Variants in TCEA2 observed in about 807,000 individuals in gnomAD.
TCEA2 encodes transcription elongation factor A protein 2.
Under a neutral mutation model 40.8 loss-of-function variants are expected in TCEA2, and 21 were observed. That is an observed-to-expected ratio of 0.51 (90% confidence interval 0.36 to 0.74). TCEA2 has a LOEUF of 0.74. Ranked by LOEUF, TCEA2 falls within the 30% of genes least tolerant of loss-of-function variation. The pLI, the probability that TCEA2 is intolerant of heterozygous loss-of-function variation, is 0.00. For synonymous variants in TCEA2, 165 were observed against 162.7 expected, an observed-to-expected ratio of 1.01 and a Z score of -0.11; for missense variants, 326 against 426.5, an observed-to-expected ratio of 0.76 and a Z score of 2.08.
upstream of TCEA2, among the ~76,000 whole-genome samples, chr20:64,058,772 C>T (rs976263833): frequency 4.6e-5 from 7 of 152,220 alleles, no homozygotes; most frequent in African/African-American, 1.2e-4. This position sits in a 1 kb window ranked among gnomAD's most constrained non-coding sequence, Gnocchi z 6.7. Flanking sequence ...CCAGCAGCAG[C>T]GAGTGTGGGG....
chr20:64,070,658 C>T lies in TCEA2; in HGVS notation c.819+23C>T, dbSNP rs531093778. 1.0e-4 allele frequency: 155 copies of T among 1,525,130 alleles called. No homozygotes were observed. The South Asian group carries it at 1.8e-3, about 18-fold the overall frequency. The allele number at this position is 1,525,130 out of a possible 1,614,324, so 94.5% of individuals were successfully genotyped here. On this transcript the variant is annotated intron_variant, in intron 8 of 9. Coordinates refer to ENST00000343484, the MANE Select transcript of TCEA2 (RefSeq NM_003195.6). The stretch of plus-strand genomic sequence containing the variant: ...CAGGTGAGCGGCCGCTGGGCACCCT[C>T]CCCCGGGCCCGGTGTCTTCAGGGCA...
At chr20:64,063,443 C>G (rs562409180) in intron 1 of TCEA2, 59 bp downstream of exon 1, 5 of 1,520,690 alleles carry the variant, frequency 3.3e-6, no homozygotes, top group South Asian at 1.2e-5. Context: ...CCCCGTCGAG[C>G]CCGCCGACCC....
upstream of TCEA2, among the ~76,000 whole-genome samples, chr20:64,058,961 C>T (rs561132736): frequency 1.3e-5 from 2 of 152,220 alleles, no homozygotes; most frequent in East Asian, 1.9e-4. This position sits in a 1 kb window ranked among gnomAD's most constrained non-coding sequence, Gnocchi z 6.7. Flanking sequence ...GAGGCCGAGG[C>T]GGGTGGATCA....
chr20:64,071,720 A>G (rs955647604), intron 8 of TCEA2, 150 bp from the exon 9 acceptor site: 30 of 805,452 alleles, frequency 3.7e-5, no homozygotes, highest in Admixed American at 5.6e-5. Context: ...CCGGAGGCTC[A>G]GCTTTGGAAG....
Position 64,071,897 on chromosome 20 carries a change from A to G in TCEA2, c.847A>G (p.Met283Val). The G allele has an allele frequency of 3.7e-6, 6 of 1,614,148 alleles. No homozygotes were observed. The highest frequency in any genetic ancestry group is 5.1e-6 in the Non-Finnish European group (6 of 1,180,028). The change falls in exon 9 of 10, where the codon ATG becomes GTG. Residue 283 changes from methionine to valine, a missense_variant. Met to Val is a conservative substitution (Grantham distance 21). Transcript: ENST00000343484. ...QVQTRSSDEP[M>V]TTFVVCNECG... ...GCAGACCCGCAGCTCTGATGAGCCC[A>G]TGACCACCTTTGTTGTCTGCAACGA...
At chr20:64,068,874 G>T (rs1017521504) in intron 4 of TCEA2, among the ~76,000 whole-genome samples, 4 of 152,240 alleles carry the variant, frequency 2.6e-5, no homozygotes, top group East Asian at 1.9e-4. Context: ...GTGCCCAGGG[G>T]TGTCGTCTGT....
At chr20:64,059,658 G>A (rs2059526062), upstream of TCEA2, among the ~76,000 whole-genome samples, 1 of 152,142 alleles carries the variant, frequency 6.6e-6, no homozygotes, top group South Asian at 2.1e-4. Context: ...CCTGGTGGGG[G>A]CGGGGAGTGC....
chr20:64,066,576 G>A, intron 2 of TCEA2, 38 bp downstream of exon 2: 1 of 1,606,144 alleles, frequency 6.2e-7, no homozygotes, highest in African/African-American at 1.3e-5. Flanking sequence ...GACAGCTCCT[G>A]GGTGCAGCCC....
chr20:64,066,773 G>C, intron 2 of TCEA2, 142 bp from the exon 3 acceptor site: 1 of 888,080 alleles, frequency 1.1e-6, no homozygotes, highest in Non-Finnish European at 1.7e-6. Flanking sequence ...TTCCAAATGG[G>C]ACAGTCGCCA....
chr20:64,067,053 G>T, intron 3 of TCEA2, 33 bp downstream of exon 3: 1 of 1,583,766 alleles, frequency 6.3e-7, no homozygotes, highest in East Asian at 2.3e-5. Context: ...TGAGTGCTGG[G>T]GCAGGGGTCC....
intron 1 of TCEA2, chr20:64,064,110 C>T (rs1006296472): frequency 1.3e-5 from 2 of 152,298 alleles, no homozygotes; most frequent in African/African-American, 2.4e-5. Context: ...CTAATAAATT[C>T]TCTCCCTTCT....
Position 64,068,153 on chromosome 20 carries a change from A to G in TCEA2, c.329+19A>G. 1 of 1,594,566 alleles carries G rather than the reference A, an allele frequency of 6.3e-7. No individual in the cohort carries two copies. The highest frequency in any genetic ancestry group is 1.1e-5 in the South Asian group (1 of 88,844). On this transcript the variant is annotated intron_variant, in intron 4 of 9. Coordinates refer to ENST00000343484, the MANE Select transcript of TCEA2 (RefSeq NM_003195.6). ...ATCCCAGGTAGCACACCTGGAAGGCAGGTGCACACACTTCTGCTTCCCAGC... is the reference window on the plus strand; with the variant it reads ...ATCCCAGGTAGCACACCTGGAAGGCGGGTGCACACACTTCTGCTTCCCAGC...
chr20:64,063,439 C>G (rs1198179566), intron 1 of TCEA2, 55 bp downstream of exon 1: 8 of 1,529,442 alleles, frequency 5.2e-6, no homozygotes, highest in Non-Finnish European at 7.0e-6. Context: ...GAGACCCCGT[C>G]GAGCCCGCCG....
chr20:64,069,597 C>T lies in TCEA2; in HGVS notation c.460+106C>T, dbSNP rs955782614. 2.6e-6 allele frequency: 4 copies of T among 1,550,502 alleles called. No individual in the cohort carries two copies. The African/African-American group carries it at 5.4e-5, about 21-fold the overall frequency. On this transcript the variant is annotated intron_variant, in intron 5 of 9. Transcript: ENST00000343484. ...GCTTCCAGCGGGGTGACTGTCCTCC[C>T]CCAGCCCATTGCTGTGGCCCTGGCA...
chr20:64,069,715 G>C (rs1284861120), intron 5 of TCEA2, 50 bp from the exon 6 acceptor site: 1 of 1,587,976 alleles, frequency 6.3e-7, no homozygotes, highest in Non-Finnish European at 8.6e-7. Context: ...CAGAAGGGGT[G>C]GCAGGTGGAG....
intron 1 of TCEA2, 160 bp from the exon 2 acceptor site, chr20:64,066,316 G>A (rs1431200923): frequency 1.3e-6 from 1 of 760,638 alleles, no homozygotes; most frequent in East Asian, 2.6e-5. Flanking sequence ...TGTGGGCAGA[G>A]CCCTGGGTGT....
rs373707539 is a variant in TCEA2 at position 64,066,942 on chromosome 20, G to A, written c.163G>A (p.Ala55Thr). 1.1e-5 allele frequency: 17 copies of A among 1,613,910 alleles called. No homozygotes were observed. The highest frequency in any genetic ancestry group is 5.0e-5 in the Admixed American group (3 of 59,990). The change falls in exon 3 of 10, where the codon GCC (alanine) becomes ACC (threonine). Residue 55 changes from alanine (A) to threonine (T), a missense_variant. Ala to Thr is a moderately conservative substitution (Grantham distance 58). Transcript: ENST00000343484. ...CACCCGAGTCGGGATGTCTGTCAAC[G>A]CCCTTCGGAAGCAGAGCTCGGATGA... ...QSTRVGMSVNALRKQSSDEEV... is the reference protein window; with the variant it reads ...QSTRVGMSVNTLRKQSSDEEV...
Position 64,069,814 on chromosome 20 carries a change from C to A in TCEA2, c.510C>A (p.Ile170=), listed in dbSNP as rs745551669. ...GADCERLSAQ[I]EECIFRDVGN... Reference sequence around the variant, plus strand: ...ACTGCGAGCGCCTGTCGGCTCAGATCGAGGAATATATCCTTTGGGTAGGGG... The same window carrying A: ...ACTGCGAGCGCCTGTCGGCTCAGATAGAGGAATATATCCTTTGGGTAGGGG... The change falls in exon 6 of 10, where the codon ATC becomes ATA. Residue 170 remains isoleucine (I), a synonymous_variant. Coordinates refer to ENST00000343484, the MANE Select transcript of TCEA2 (RefSeq NM_003195.6). The A allele has an allele frequency of 3.7e-6, 6 of 1,613,742 alleles. No homozygotes were observed. Among genetic ancestry groups the A allele is most frequent in the East Asian group, 4.5e-5 (2 of 44,902 alleles).
At chr20:64,068,929 A>G (rs2059759858) in intron 4 of TCEA2, among the ~76,000 whole-genome samples, 1 of 152,200 alleles carries the variant, frequency 6.6e-6, no homozygotes, top group Non-Finnish European at 1.5e-5. Context: ...GTCTCCCCCC[A>G]GACAGCTGTG....
Sources: gnomAD v4.1 joint callset for allele counts (sites outside exome capture counted in the v4.1 genomes callset) on GRCh38, gnomAD v4.1.1 for gene constraint, Gnocchi (gnomAD v3.1) non-coding constraint, MANE v1.5 for transcripts, NCBI Gene and HGNC (gene_info 2026-07-23, HGNC 2026-07-21) for gene names.